The following REEP3 variants were observed in gnomAD, a reference collection of about 807,000 sequenced individuals.
REEP3 encodes the protein receptor expression-enhancing protein 3.
REEP3 carries 20 observed loss-of-function variants against 41.3 expected under a neutral mutation model. The ratio of observed to expected loss-of-function variants is 0.48; its 90% CI spans 0.34 to 0.70. The LOEUF is 0.70. REEP3 is among the 30% of genes least tolerant of loss of function. The pLI is 0.01. For synonymous variants in REEP3, 104 were observed against 101.8 expected (o/e 1.02, Z -0.13); for missense variants, 271 against 308.8 (o/e 0.88, Z 0.92).
intron 3 of REEP3, among the ~76,000 whole-genome samples, chr10:63,596,854 C>T (rs149463941): frequency 8.5e-5 from 13 of 152,180 alleles, no homozygotes; most frequent in African/African-American, 2.9e-4. Context: ...GATAGCTCAC[C>T]GCACCCTTGA....
At chr10:63,562,213 A>G (rs940320928) in intron 1 of REEP3, among the ~76,000 whole-genome samples, 1 of 151,538 alleles carries the variant, frequency 6.6e-6, no homozygotes, top group African/African-American at 2.4e-5. Flanking sequence ...TTGGCAGTTC[A>G]GTGAAGTCGC....
At chr10:63,527,142 G>A (rs1214117718) in intron 1 of REEP3, among the ~76,000 whole-genome samples, 1 of 150,854 alleles carries the variant, frequency 6.6e-6, no homozygotes. Flanking sequence ...ATTTATATTG[G>A]GTGCTATAAT....
intron 5 of REEP3, chr10:63,599,617 G>A: frequency 2.4e-6 from 2 of 833,332 alleles, no homozygotes; most frequent in Non-Finnish European, 2.9e-6. Context: ...TGTCTTTGGT[G>A]TTCTTTCTCT....
intron 1 of REEP3, among the ~76,000 whole-genome samples, chr10:63,533,033 T>G (rs1260664200): frequency 6.6e-6 from 1 of 152,242 alleles, no homozygotes; most frequent in Non-Finnish European, 1.5e-5. Flanking sequence ...GGAAGCCAGT[T>G]TTATTCCATA....
At chr10:63,595,610 T>G (rs1331113855) in intron 3 of REEP3, among the ~76,000 whole-genome samples, 1 of 151,940 alleles carries the variant, frequency 6.6e-6, no homozygotes, top group Non-Finnish European at 1.5e-5. Context: ...AAGGTCTTGC[T>G]CTGTTGCCTA....
intron 1 of REEP3, among the ~76,000 whole-genome samples, chr10:63,554,601 T>C (rs1955660393): frequency 6.6e-6 from 1 of 152,208 alleles, no homozygotes; most frequent in Non-Finnish European, 1.5e-5. Context: ...GCTTAATTCA[T>C]AAGATCATTA....
rs181342295 is a variant in REEP3 at position 63,603,694 on chromosome 10, G to A, written c.417+4411G>A. Among the ~76,000 whole-genome samples, 911 of 152,256 alleles carry A rather than the reference G, an allele frequency of 6.0e-3. 1 individual carries two copies. Among genetic ancestry groups the A allele is most frequent in the Non-Finnish European group, 0.01 (683 of 68,020 alleles). ...TCTTTTATCCATAACATCCCTGTAT[G>A]TAAGGTAACCTTCATTATTCTCATG... On this transcript the variant is annotated intron_variant, in intron 5 of 7. Coordinates refer to ENST00000373758, the MANE Select transcript of REEP3 (RefSeq NM_001001330.3).
intron 1 of REEP3, among the ~76,000 whole-genome samples, chr10:63,548,581 T>G (rs975086613): frequency 2.0e-5 from 3 of 152,186 alleles, no homozygotes; most frequent in Admixed American, 6.5e-5. Context: ...TTCCCAGAAG[T>G]GCCTAATGAG....
At chr10:63,600,027 T>C (rs1479980018) in intron 5 of REEP3, among the ~76,000 whole-genome samples, 1 of 152,194 alleles carries the variant, frequency 6.6e-6, no homozygotes, top group Non-Finnish European at 1.5e-5. Context: ...TGCTTGCATA[T>C]AGTAGGAGCC....
In REEP3 at chr10:63,585,473, C is replaced by T. The variant is rs1022334440; in HGVS notation, c.106-9305C>T. 2.2e-4 allele frequency among the ~76,000 whole-genome samples: 34 copies of T among 152,054 alleles called. 1 individual carries two copies. Among genetic ancestry groups the T allele is most frequent in the Admixed American group, 1.8e-3 (28 of 15,270 alleles). ...AAATACTAGTAGTTATATATTAAAT[C>T]AGACATTGTGCTGGTAATCACCTAT... is the stretch of plus-strand genomic sequence containing the variant. On this transcript the variant is annotated intron_variant, in intron 2 of 7. Coordinates refer to ENST00000373758, the MANE Select transcript of REEP3 (RefSeq NM_001001330.3).
chr10:63,554,390 A>G (rs1955657901), intron 1 of REEP3, among the ~76,000 whole-genome samples: 1 of 152,210 alleles, frequency 6.6e-6, no homozygotes, highest in African/African-American at 2.4e-5. Flanking sequence ...TTTATATGAC[A>G]GTAGTATGCC....
intron 1 of REEP3, among the ~76,000 whole-genome samples, chr10:63,524,846 A>G (rs1239099576): frequency 6.6e-6 from 1 of 151,990 alleles, no homozygotes; most frequent in Admixed American, 6.6e-5. Flanking sequence ...TACCACATGA[A>G]ACCGTTGTAA....
chr10:63,599,372 G>T, intron 5 of REEP3, 89 bp downstream of exon 5: 1 of 523,876 alleles, frequency 1.9e-6, no homozygotes, highest in Non-Finnish European at 3.2e-6. Flanking sequence ...TAAAATTGTG[G>T]CATTTTGCTA....
chr10:63,525,749 G>C (rs1955357873), intron 1 of REEP3, among the ~76,000 whole-genome samples: 1 of 152,092 alleles, frequency 6.6e-6, no homozygotes. Flanking sequence ...TACCAATGAT[G>C]TTCCATTCAT....
intron 1 of REEP3, among the ~76,000 whole-genome samples, chr10:63,526,461 TA>T (rs1292781409): frequency 6.6e-6 from 1 of 152,164 alleles, no homozygotes; most frequent in Non-Finnish European, 1.5e-5. Context: ...AAACACTGAA[TA>T]TTTTTATGAT....
intron 2 of REEP3, among the ~76,000 whole-genome samples, chr10:63,578,776 C>T (rs538338712): frequency 6.6e-6 from 1 of 152,036 alleles, no homozygotes; most frequent in South Asian, 2.1e-4. Context: ...GACCCTGTCT[C>T]GAAACATAAA....
At chr10:63,543,415 A>G (rs548673715) in intron 1 of REEP3, among the ~76,000 whole-genome samples, 20 of 151,420 alleles carry the variant, frequency 1.3e-4, no homozygotes, top group Non-Finnish European at 2.8e-4. Flanking sequence ...TCTGACTCAA[A>G]CTGCCAAGTA....
chr10:63,610,431 G>A lies in REEP3; in HGVS notation c.565+97G>A. 7 of 1,220,464 alleles carry A rather than the reference G, an allele frequency of 5.7e-6. No homozygotes were observed. The East Asian group carries it at 1.8e-4, about 31-fold the overall frequency. The allele number at this position is 1,220,464 out of a possible 1,614,324, so 75.6% of individuals were successfully genotyped here. On this transcript the variant is annotated intron_variant, in intron 6 of 7. Transcript: ENST00000373758. ...TGTCGGGGGGTGGGGCACAAGGAGA[G>A]GGAGAGCATTAGGACAAATACCTAA...
intron 1 of REEP3, 95 bp downstream of exon 1, chr10:63,521,672 G>A: frequency 3.3e-6 from 3 of 920,930 alleles, no homozygotes; most frequent in Non-Finnish European, 4.4e-6. Flanking sequence ...GCCTGGGCCT[G>A]GGCGGGGACG....
Sources: gnomAD v4.1 joint callset for allele counts (sites outside exome capture counted in the v4.1 genomes callset) on GRCh38, gnomAD v4.1.1 for gene constraint, MANE v1.5 for transcripts, NCBI Gene and HGNC (gene_info 2026-07-23, HGNC 2026-07-21) for gene names.